EYS: variants seen among roughly 807,000 people sequenced by gnomAD.
EYS encodes the protein EGF-like photoreceptor maintenance factor, also known as protein eyes shut homolog.
EYS carries 250 observed loss-of-function variants against 282.1 expected under a neutral mutation model. The ratio of observed to expected loss-of-function variants is 0.89; its 90% CI spans 0.80 to 0.98. The LOEUF is 0.98. EYS is among the 50% of genes least tolerant of loss of function. The pLI is 0.00. For synonymous variants in EYS, 1,355 were observed against 1,282.9 expected (o/e 1.06, Z -1.20); for missense variants, 4,016 against 3,709.0 (o/e 1.08, Z -2.15).
chr6:65,465,078 G>A (rs564554432), intron 5 of EYS, among the ~76,000 whole-genome samples: 31 of 152,184 alleles, frequency 2.0e-4, no homozygotes, highest in East Asian at 9.7e-4. Flanking sequence ...AGTCTACTGC[G>A]TTAATAAGAA....
intron 22 of EYS, among the ~76,000 whole-genome samples, chr6:64,694,088 A>T (rs1219003650): frequency 2.0e-5 from 3 of 152,214 alleles, no homozygotes; most frequent in African/African-American, 7.2e-5. Flanking sequence ...TACAAAATTT[A>T]TTGTTCAAAC....
At chr6:64,002,161 C>A (rs1286892181) in intron 33 of EYS, among the ~76,000 whole-genome samples, 1 of 152,126 alleles carries the variant, frequency 6.6e-6, no homozygotes, top group Non-Finnish European at 1.5e-5. Context: ...GTCTGGATGC[C>A]AAGGGGAGTT....
At chr6:64,535,852 T>G (rs1238897292) in intron 26 of EYS, among the ~76,000 whole-genome samples, 13 of 152,214 alleles carry the variant, frequency 8.5e-5, no homozygotes, top group Admixed American at 8.5e-4. Context: ...TTAACCATTT[T>G]TTTGTCATTT....
chr6:65,156,634 C>T (rs1332464439), intron 12 of EYS, among the ~76,000 whole-genome samples: 5 of 151,160 alleles, frequency 3.3e-5, no homozygotes, highest in Non-Finnish European at 5.9e-5. Flanking sequence ...CTCCACATTC[C>T]TCAGTCATTA....
chr6:65,408,001 G>A (rs187289889), intron 5 of EYS, among the ~76,000 whole-genome samples: 123 of 152,034 alleles, frequency 8.1e-4, no homozygotes, highest in African/African-American at 2.8e-3. Flanking sequence ...ATAATGAATA[G>A]GTGTTAGATT....
intron 1 of EYS, among the ~76,000 whole-genome samples, chr6:65,672,294 A>G (rs931594418): frequency 1.3e-5 from 2 of 152,122 alleles, no homozygotes; most frequent in Admixed American, 1.3e-4. Flanking sequence ...CAATGAGGAG[A>G]AAAAGAAATG....
intron 35 of EYS, among the ~76,000 whole-genome samples, chr6:63,979,855 T>C (rs73762527): frequency 0.014 from 2,133 of 151,984 alleles, 54 homozygotes; most frequent in African/African-American, 0.047. Context: ...TGAAAAAAGA[T>C]TGGACACTGT....
intron 22 of EYS, among the ~76,000 whole-genome samples, chr6:64,705,341 C>T (rs1020639784): frequency 2.6e-5 from 4 of 151,880 alleles, no homozygotes; most frequent in Admixed American, 1.3e-4. Context: ...GATAAACAAA[C>T]AGAGACACAT....
intron 33 of EYS, among the ~76,000 whole-genome samples, chr6:64,042,139 T>A (rs1310295082): frequency 1.3e-5 from 2 of 152,166 alleles, no homozygotes; most frequent in Non-Finnish European, 2.9e-5. Context: ...CTTAAAAAAG[T>A]AAGAATTATA....
At chr6:64,523,150 T>G (rs1777810583) in intron 26 of EYS, among the ~76,000 whole-genome samples, 2 of 151,718 alleles carry the variant, frequency 1.3e-5, no homozygotes, top group African/African-American at 4.8e-5. Context: ...AAGCTCTTGT[T>G]TTGCTACTCA....
At chr6:64,339,370 G>GA (rs1334732325) in intron 29 of EYS, among the ~76,000 whole-genome samples, 1 of 151,812 alleles carries the variant, frequency 6.6e-6, no homozygotes, top group Non-Finnish European at 1.5e-5. Flanking sequence ...CAACAAACAT[G>GA]AAAAAATGCT....
intron 35 of EYS, among the ~76,000 whole-genome samples, chr6:63,918,136 G>T (rs1764473048): frequency 6.6e-6 from 1 of 152,144 alleles, no homozygotes; most frequent in Non-Finnish European, 1.5e-5. Flanking sequence ...GCAGATAAAA[G>T]ATTGCATAAA....
rs761276954 is a variant in EYS at position 64,813,389 on chromosome 6, A to G, written c.3432T>C (p.Thr1144=). The G allele has an allele frequency of 1.9e-6, 3 of 1,542,364 alleles. No individual in the cohort carries two copies. The highest frequency in any genetic ancestry group is 2.6e-6 in the Non-Finnish European group (3 of 1,142,672). ...AAATAAATACTGACCTGCAGTCAAAAGTATGTCCAGGCCCATCAACACAGA... is the reference window on the plus strand; with the variant it reads ...AAATAAATACTGACCTGCAGTCAAAGGTATGTCCAGGCCCATCAACACAGA... ...GGICVDGPGH[T]FDCRCLPGFS... The change falls in exon 22 of 43, where the codon ACT becomes ACC. Residue 1144 remains threonine (T), a synonymous_variant. Transcript: ENST00000503581.
intron 1 of EYS, among the ~76,000 whole-genome samples, chr6:65,652,312 G>A (rs1767682212): frequency 6.6e-6 from 1 of 151,988 alleles, no homozygotes; most frequent in Non-Finnish European, 1.5e-5. Context: ...TAATTTTGTA[G>A]TTGACTTTGA....
chr6:65,664,390 A>G (rs1354150572), intron 1 of EYS, among the ~76,000 whole-genome samples: 1 of 152,194 alleles, frequency 6.6e-6, no homozygotes, highest in Non-Finnish European at 1.5e-5. Flanking sequence ...ACATCAATCC[A>G]GGATACAAAA....
intron 14 of EYS, among the ~76,000 whole-genome samples, chr6:64,977,630 A>T (rs1467880033): frequency 6.7e-6 from 1 of 149,936 alleles, no homozygotes; most frequent in Non-Finnish European, 1.5e-5. Context: ...GCTGAAAGCT[A>T]GGCCTTTTGC....
chr6:64,572,659 C>T (rs1047980423), intron 26 of EYS, among the ~76,000 whole-genome samples: 1 of 152,138 alleles, frequency 6.6e-6, no homozygotes, highest in Non-Finnish European at 1.5e-5. Flanking sequence ...CATGAGTGAA[C>T]TCCCATTCAC....
In EYS at chr6:65,163,112, T is replaced by A. The variant is rs933838674; in HGVS notation, c.2024-105385A>T. ...AAAGTTCTCATAGCCATGTCCCAAA[T>A]CTGATTTTCAAAATCTCTTTATGCA... On this transcript the variant is annotated intron_variant, in intron 12 of 42. Coordinates refer to ENST00000503581, the MANE Select transcript of EYS (RefSeq NM_001142800.2). Among the ~76,000 whole-genome samples the A allele has an allele frequency of 4.6e-5, 7 of 151,342 alleles. No homozygotes were observed. The Admixed American group carries it at 4.6e-4, about 10-fold the overall frequency.
rs1219495816 is a variant in EYS at position 65,204,668 on chromosome 6, GA to G, written c.2023+91194del. ...TTACTAGCTAACAAAACTATAACAG[GA>G]ATAAAATGAAACCTCACATATCAAT... On this transcript the variant is annotated intron_variant, in intron 12 of 42. Transcript: ENST00000503581. Among the ~76,000 whole-genome samples, 19 of 151,532 alleles carry G rather than the reference GA, an allele frequency of 1.3e-4. No homozygotes were observed. In the East Asian group the frequency reaches 3.7e-3, roughly 29 times the overall value.
Sources: gnomAD v4.1 joint callset for allele counts (sites outside exome capture counted in the v4.1 genomes callset) on GRCh38, gnomAD v4.1.1 for gene constraint, MANE v1.5 for transcripts, NCBI Gene and HGNC (gene_info 2026-07-23, HGNC 2026-07-21) for gene names.